The following USP18 variants were observed in gnomAD, a reference collection of about 807,000 sequenced individuals.
USP18 encodes ubl carboxyl-terminal hydrolase 18.
In USP18, 11 loss-of-function variants were observed where a neutral mutation model predicts 48.7. That is an observed-to-expected ratio of 0.23 (90% confidence interval 0.14 to 0.37). The LOEUF (loss-of-function observed/expected upper bound fraction) is 0.37. USP18 is among the 10% of genes least tolerant of loss of function. USP18 has a pLI of 1.00. For missense variants in USP18, 285 were observed against 436.4 expected, an observed-to-expected ratio of 0.65 and a Z score of 3.09; for synonymous variants, 114 against 163.2, an observed-to-expected ratio of 0.70 and a Z score of 2.30.
chr22:18,150,515 C>G (rs1460423781), intron 1 of USP18, among the ~76,000 whole-genome samples: 1 of 152,206 alleles, frequency 6.6e-6, no homozygotes, highest in Non-Finnish European at 1.5e-5. Flanking sequence ...GTCTCGCAGT[C>G]TTCCACTCAG....
At chr22:18,173,015 C>T (rs1190459941) in intron 8 of USP18, 135 bp from the exon 9 acceptor site, 5 of 1,498,706 alleles carry the variant, frequency 3.3e-6, no homozygotes, top group South Asian at 2.7e-5. Flanking sequence ...TGGAGGGTGC[C>T]CACTGGCTGT....
At chr22:18,174,323 G>T (rs1929721957) in intron 10 of USP18, among the ~76,000 whole-genome samples, 1 of 151,642 alleles carries the variant, frequency 6.6e-6, no homozygotes, top group Non-Finnish European at 1.5e-5. Flanking sequence ...CTCCTCCCAG[G>T]TTCAAGCGAT....
chr22:18,157,229 G>T (rs562651510), intron 1 of USP18, among the ~76,000 whole-genome samples: 1 of 152,388 alleles, frequency 6.6e-6, no homozygotes, highest in South Asian at 2.1e-4. Context: ...GGCATCAGGG[G>T]CTGAGAGTTC....
intron 1 of USP18, among the ~76,000 whole-genome samples, chr22:18,152,995 G>C (rs976641441): frequency 6.6e-6 from 1 of 152,162 alleles, no homozygotes; most frequent in African/African-American, 2.4e-5. Flanking sequence ...CTTGCTGATG[G>C]AATTGTCTGC....
rs1184596163 is a variant in USP18 at position 18,167,344 on chromosome 22, T to G, written c.480+10T>G. ...CACTGATGTGCACTTGGTAAGAACC[T>G]AGAACCAGAGCACTCGGAAGCTTAA... is the stretch of plus-strand genomic sequence containing the variant. On this transcript the variant is annotated intron_variant, in intron 5 of 10. Coordinates refer to ENST00000215794, the MANE Select transcript of USP18 (RefSeq NM_017414.4). 1 of 1,613,532 alleles carries G rather than the reference T, an allele frequency of 6.2e-7. No homozygotes were observed. The highest frequency in any genetic ancestry group is 8.5e-7 in the Non-Finnish European group (1 of 1,179,690).
chr22:18,169,379 A>G (rs1411864820), intron 6 of USP18, among the ~76,000 whole-genome samples: 1 of 152,218 alleles, frequency 6.6e-6, no homozygotes, highest in Non-Finnish European at 1.5e-5. Context: ...GTTTGAGACC[A>G]GCCTGGCCAA....
At chr22:18,173,738 T>C in intron 9 of USP18, 55 bp from the exon 10 acceptor site, 1 of 1,604,762 alleles carries the variant, frequency 6.2e-7, no homozygotes, top group Non-Finnish European at 8.5e-7. Context: ...CATCCTGTCC[T>C]CTGTGGGTGC....
intron 1 of USP18, among the ~76,000 whole-genome samples, chr22:18,154,547 A>G (rs1234861797): frequency 6.6e-6 from 1 of 152,110 alleles, no homozygotes; most frequent in African/African-American, 2.4e-5. Flanking sequence ...CCTGGCCTCA[A>G]GTGATCCTCC....
rs1318367807 is a variant in USP18, at chr22:18,161,385, C to A, written c.255-405C>A. On this transcript the variant is annotated intron_variant, in intron 3 of 10. Transcript: ENST00000215794. ...CCTTTCTTCCCAGGACCTAACCCAG[C>A]ATGTGCCTCTGCAGTCTGGAGAGCT... Among the ~76,000 whole-genome samples, 8 of 87,878 alleles carry A rather than the reference C, an allele frequency of 9.1e-5. No homozygotes were observed. The East Asian group carries it at 2.4e-3, about 27-fold the overall frequency. 57.7% of individuals were successfully genotyped at this position (87,878 alleles called of 152,430 possible). A position where few individuals can be genotyped will look rare whatever the true frequency, so the allele number is the denominator to read the frequency against.
intron 1 of USP18, among the ~76,000 whole-genome samples, chr22:18,150,635 G>A (rs748581011): frequency 1.3e-5 from 2 of 152,200 alleles, no homozygotes; most frequent in Non-Finnish European, 2.9e-5. Context: ...TTCATGGCAG[G>A]ACATATAGAT....
Position 18,157,749 on chromosome 22 carries a change from AGAAG to A in USP18, c.91_94del (p.Glu31LysfsTer5). The A allele has an allele frequency of 6.2e-7, 1 of 1,614,122 alleles. No individual in the cohort carries two copies. The highest frequency in any genetic ancestry group is 8.5e-7 in the Non-Finnish European group (1 of 1,180,012). ...CAGTCCCCGGCAGATCTTGAAGAAA[AGAAG>A]GAAGAAGACAGCAACATGAAGAGAG... is the stretch of plus-strand genomic sequence containing the variant. On this transcript the variant is annotated frameshift_variant, in exon 2 of 11. Transcript: ENST00000215794. LOFTEE classifies it high-confidence loss of function.
At chr22:18,169,968 G>C in intron 7 of USP18, 29 bp downstream of exon 7, 1 of 1,554,402 alleles carries the variant, frequency 6.4e-7, no homozygotes, top group Non-Finnish European at 8.7e-7. Context: ...AGACTCAGCT[G>C]TCCCTCGGTG....
chr22:18,157,416 C>T, intron 1 of USP18, 142 bp from the exon 2 acceptor site: 1 of 458,964 alleles, frequency 2.2e-6, no homozygotes. Flanking sequence ...GCCTAGCTGT[C>T]ATTTCCAGCC....
chr22:18,162,211 G>T (rs1929352782), intron 4 of USP18, among the ~76,000 whole-genome samples: 1 of 151,832 alleles, frequency 6.6e-6, no homozygotes, highest in Non-Finnish European at 1.5e-5. Context: ...ACCACAGTCA[G>T]GGAACTGCAG....
At chr22:18,174,148 A>G (rs1264454343) in intron 10 of USP18, among the ~76,000 whole-genome samples, 3 of 151,266 alleles carry the variant, frequency 2.0e-5, no homozygotes, top group Non-Finnish European at 4.4e-5. Context: ...TTTCATACTC[A>G]TGGCCTTTTC....
chr22:18,160,334 CT>C, intron 3 of USP18, 66 bp downstream of exon 3: 1 of 1,587,374 alleles, frequency 6.3e-7, no homozygotes, highest in Non-Finnish European at 8.6e-7. Flanking sequence ...GAGATGGAGT[CT>C]TGCTCTGTTG....
At chr22:18,174,228 C>CT (rs200074673) in intron 10 of USP18, among the ~76,000 whole-genome samples, 1,761 of 142,932 alleles carry the variant, frequency 0.012, 68 homozygotes, top group African/African-American at 0.041. Context: ...CTTTTCTTTT[C>CT]TTTTCTTTTT....
intron 1 of USP18, among the ~76,000 whole-genome samples, chr22:18,150,781 C>T (rs1928977267): frequency 6.6e-6 from 1 of 152,122 alleles, no homozygotes; most frequent in Non-Finnish European, 1.5e-5. Flanking sequence ...GGAGAAACCC[C>T]GTCTCTACTA....
chr22:18,155,734 G>A (rs1001787857), intron 1 of USP18, among the ~76,000 whole-genome samples: 5 of 152,242 alleles, frequency 3.3e-5, no homozygotes, highest in African/African-American at 9.6e-5. Context: ...GGCAGGGCTC[G>A]GGACCTGTAG....
Sources: allele counts gnomAD v4.1 joint callset (sites outside exome capture counted in the v4.1 genomes callset), GRCh38; gene constraint gnomAD v4.1.1; transcripts MANE v1.5; gene names NCBI Gene and HGNC (gene_info 2026-07-23, HGNC 2026-07-21).